The following ARPC4 variants were observed in gnomAD, a reference collection of about 807,000 sequenced individuals.
ARPC4 encodes actin-related protein 2/3 complex subunit 4.
Under a neutral mutation model 22.8 loss-of-function variants are expected in ARPC4, and 3 were observed. That is an observed-to-expected ratio of 0.13 (90% CI 0.06 to 0.34). The LOEUF (loss-of-function observed/expected upper bound fraction) is 0.34. ARPC4 is among the 10% of genes least tolerant of loss of function. ARPC4 has a pLI of 1.00. For synonymous variants in ARPC4, 80 were observed against 72.5 expected (o/e 1.10, Z -0.52); for missense variants, 98 against 211.0 (o/e 0.46, Z 3.32).
At chr3:9,792,713 G>T (rs925885684), upstream of ARPC4, 12 of 1,234,382 alleles carry the variant, frequency 9.7e-6, no homozygotes, top group Non-Finnish European at 2.0e-6. Flanking sequence ...CGGGTAGGAG[G>T]GGCGAGAGAA....
chr3:9,800,541 C>T (rs146827828), intron 3 of ARPC4, among the ~76,000 whole-genome samples: 41 of 152,278 alleles, frequency 2.7e-4, no homozygotes, highest in Admixed American at 9.2e-4. Context: ...TCTTCTGTCT[C>T]AGTCTCCCAA....
At chr3:9,792,895 C>G, upstream of ARPC4, 1 of 1,397,702 alleles carries the variant, frequency 7.2e-7, no homozygotes, top group South Asian at 1.6e-5. Flanking sequence ...CCTGGAGGAG[C>G]TTAAATAGTG....
chr3:9,798,037 C>G, intron 2 of ARPC4: 1 of 382,284 alleles, frequency 2.6e-6, no homozygotes, highest in Non-Finnish European at 4.8e-6. Flanking sequence ...TTGATGAAGT[C>G]TCTCCTGTGG....
intron 5 of ARPC4, 125 bp from the exon 6 acceptor site, chr3:9,806,085 G>A: frequency 8.9e-7 from 1 of 1,129,396 alleles, no homozygotes; most frequent in Non-Finnish European, 1.3e-6. Context: ...GGTGTCCTGG[G>A]ACCCAACTCT....
upstream of ARPC4, chr3:9,792,843 G>T: frequency 7.3e-7 from 1 of 1,364,416 alleles, no homozygotes; most frequent in Non-Finnish European, 9.4e-7. Flanking sequence ...TGTGGCAAAG[G>T]TGACAAGAAG....
upstream of ARPC4, chr3:9,792,993 C>T: frequency 6.8e-7 from 1 of 1,473,434 alleles, no homozygotes; most frequent in Non-Finnish European, 9.0e-7. Context: ...CTCTCTACCC[C>T]GCTCGGAGCA....
At chr3:9,793,271 C>G (rs1333952687) in intron 1 of ARPC4, 147 bp downstream of exon 1, 3 of 1,356,014 alleles carry the variant, frequency 2.2e-6, no homozygotes, top group East Asian at 5.5e-5. Flanking sequence ...GAAAAAGAGA[C>G]GGGGCGGGGG....
chr3:9,803,409 T>G, intron 4 of ARPC4: 1 of 434,204 alleles, frequency 2.3e-6, no homozygotes, highest in South Asian at 1.7e-5. Context: ...ATCTAACCTC[T>G]GGGGCCACCC....
Position 9,804,029 on chromosome 3 carries a change from T to G in ARPC4, c.501+16T>G, listed in dbSNP as rs376772744. 6.2e-7 allele frequency: 1 copy of G among 1,612,370 alleles called. No individual in the cohort carries two copies. Among genetic ancestry groups the G allele is most frequent in the Non-Finnish European group, 8.5e-7 (1 of 1,178,988 alleles). ...CCTTAAGAATGTGAGTAGGGGCCTT[T>G]AGCTTTCCTTCCAGAGGCCAGAGGA... On this transcript the variant is annotated intron_variant, in intron 5 of 5. Coordinates refer to ENST00000397261, the MANE Select transcript of ARPC4 (RefSeq NM_005718.5).
rs551371964 is a variant in ARPC4, at chr3:9,794,135, C to T, written c.3+1011C>T. ...AAGTTTATTGAGGTATTACATGAGA[C>T]TACATCTGTTTTATTCATGAAAGGA... On this transcript the variant is annotated intron_variant, in intron 1 of 5. Coordinates refer to ENST00000397261, the MANE Select transcript of ARPC4 (RefSeq NM_005718.5). Among the ~76,000 whole-genome samples the T allele has an allele frequency of 1.7e-4, 26 of 152,122 alleles. 1 individual carries two copies. The highest frequency in any genetic ancestry group is 6.3e-4 in the African/African-American group (26 of 41,490).
intron 2 of ARPC4, chr3:9,799,744 G>A (rs1380121453): frequency 4.8e-6 from 2 of 420,976 alleles, no homozygotes; most frequent in African/African-American, 2.0e-5. Context: ...TGCCCAGCCA[G>A]TTTCAGATTT....
rs9855490 is a variant in ARPC4 at position 9,799,537 on chromosome 3, A to C, written c.123-648A>C. On this transcript the variant is annotated intron_variant, in intron 2 of 5. Coordinates refer to ENST00000397261, the MANE Select transcript of ARPC4 (RefSeq NM_005718.5). ...GGCTCACTGCAACTGCCACCTCCTG[A>C]GTTCGAGCAATTCTCGTGCTTCAGC... 2.0e-3 allele frequency among the ~76,000 whole-genome samples: 307 copies of C among 151,480 alleles called. 2 individuals carry two copies. The highest frequency in any genetic ancestry group is 7.0e-3 in the African/African-American group (287 of 41,240).
intron 1 of ARPC4, among the ~76,000 whole-genome samples, chr3:9,796,450 C>G (rs1363818590): frequency 1.3e-5 from 2 of 151,992 alleles, no homozygotes; most frequent in Admixed American, 6.6e-5. Context: ...GTAATAAATA[C>G]TTTATAGGGG....
chr3:9,795,537 C>G (rs1462381910), intron 1 of ARPC4, among the ~76,000 whole-genome samples: 1 of 152,156 alleles, frequency 6.6e-6, no homozygotes, highest in African/African-American at 2.4e-5. Context: ...TTACCTCAGC[C>G]TACCGCTGCA....
chr3:9,800,370 C>T (rs1559728293), intron 3 of ARPC4, 74 bp downstream of exon 3: 1 of 1,416,766 alleles, frequency 7.1e-7, no homozygotes, highest in Non-Finnish European at 9.8e-7. Flanking sequence ...CCGGGGTCCC[C>T]ATCTGAGAGA....
chr3:9,804,120 C>A, intron 5 of ARPC4, 107 bp downstream of exon 5: 1 of 1,314,936 alleles, frequency 7.6e-7, no homozygotes, highest in Non-Finnish European at 1.0e-6. Context: ...GTTTATATCT[C>A]CTGAGCTCTC....
intron 1 of ARPC4, among the ~76,000 whole-genome samples, chr3:9,797,399 G>A (rs933746175): frequency 1.3e-5 from 2 of 152,154 alleles, no homozygotes; most frequent in Admixed American, 1.3e-4. Context: ...CCTCTGGTCT[G>A]ACCCCAGGTT....
chr3:9,799,980 T>G (rs553010887), intron 2 of ARPC4: 8 of 671,798 alleles, frequency 1.2e-5, no homozygotes, highest in Admixed American at 8.3e-5. Flanking sequence ...AGGCTGGATT[T>G]CAAAACCTTT....
intron 5 of ARPC4, among the ~76,000 whole-genome samples, chr3:9,805,454 G>A (rs960089301): frequency 6.6e-6 from 1 of 152,184 alleles, no homozygotes; most frequent in Non-Finnish European, 1.5e-5. Context: ...GCATCCAAAG[G>A]TCGGGTAGCT....
Sources: allele counts gnomAD v4.1 joint callset (sites outside exome capture counted in the v4.1 genomes callset), GRCh38; gene constraint gnomAD v4.1.1; transcripts MANE v1.5; gene names NCBI Gene and HGNC (gene_info 2026-07-23, HGNC 2026-07-21).